RNF2: variants seen among roughly 807,000 people sequenced by gnomAD.
RNF2 encodes the protein E3 ubiquitin-protein ligase RING2.
A neutral mutation model predicts 37.2 loss-of-function variants in RNF2; 6 were observed. The observed-to-expected ratio is 0.16, with a 90% CI of 0.09 to 0.32. RNF2 has a LOEUF of 0.32. Among genes scored for constraint, RNF2 ranks in the 10% least tolerant of loss-of-function variants. The pLI is 1.00. For synonymous variants in RNF2, 133 were observed against 132.7 expected (o/e 1.00, Z -0.02); for missense variants, 251 against 404.0 (o/e 0.62, Z 3.25).
chr1:185,071,963 C>G (rs1650989403), intron 1 of RNF2: 1 of 152,370 alleles, frequency 6.6e-6, no homozygotes, highest in Non-Finnish European at 1.5e-5. Flanking sequence ...AAAGCCATAT[C>G]ATTGTGGACA....
chr1:185,085,339 G>A (rs970004596), intron 1 of RNF2, among the ~76,000 whole-genome samples: 5 of 151,406 alleles, frequency 3.3e-5, no homozygotes, highest in Non-Finnish European at 5.9e-5. Context: ...TAGTAGAGAC[G>A]GGGTTTCACC....
At chr1:185,061,371 GA>G (rs1056323727) in intron 1 of RNF2, among the ~76,000 whole-genome samples, 10 of 148,160 alleles carry the variant, frequency 6.7e-5, no homozygotes, top group Admixed American at 1.3e-4. Context: ...CTTAAAAGGG[GA>G]AAAAAAAAGG....
intron 4 of RNF2, among the ~76,000 whole-genome samples, chr1:185,094,409 G>C (rs1253850519): frequency 1.3e-5 from 2 of 152,126 alleles, no homozygotes; most frequent in Non-Finnish European, 2.9e-5. Flanking sequence ...CCAAAGTGCT[G>C]AGATTACAGG....
chr1:185,051,195 T>C (rs1298116087), intron 1 of RNF2, among the ~76,000 whole-genome samples: 2 of 152,228 alleles, frequency 1.3e-5, no homozygotes, highest in African/African-American at 4.8e-5. Flanking sequence ...AAACCCTCAC[T>C]ATTTACACTG....
intron 1 of RNF2, among the ~76,000 whole-genome samples, chr1:185,075,234 T>TC (rs946329003): frequency 9.2e-5 from 14 of 152,090 alleles, no homozygotes; most frequent in African/African-American, 2.4e-4. Flanking sequence ...CCTCAGGTGA[T>TC]CCCCCCGCCT....
At chr1:185,075,516 C>T (rs999100601) in intron 1 of RNF2, among the ~76,000 whole-genome samples, 4 of 152,228 alleles carry the variant, frequency 2.6e-5, no homozygotes, top group South Asian at 2.1e-4. Flanking sequence ...TCCCTGAGAC[C>T]GGATAATTTA....
In RNF2 at chr1:185,100,541, GTGTT is replaced by G. The variant is rs1652049047; in HGVS notation, c.*242_*245del. ...TAAAAAAATATATCTGAAGTTTCTTGTGTTTTTTTTTTTCCCCACAAAGTGTGTT... is the reference window on the plus strand; with the variant it reads ...TAAAAAAATATATCTGAAGTTTCTTGTTTTTTTTTCCCCACAAAGTGTGTT... On this transcript the variant is annotated 3_prime_UTR_variant, in exon 7 of 7. Coordinates refer to ENST00000367510, the MANE Select transcript of RNF2 (RefSeq NM_007212.4). 2 of 276,000 alleles carry G rather than the reference GTGTT, an allele frequency of 7.2e-6. No homozygotes were observed. The highest frequency in any genetic ancestry group is 1.2e-4 in the Admixed American group (2 of 16,542). 17.1% of individuals were successfully genotyped at this position (276,000 alleles called of 1,614,324 possible). A position where few individuals can be genotyped will look rare whatever the true frequency, so the allele number is the denominator to read the frequency against.
chr1:185,085,756 C>T (rs545927231), intron 1 of RNF2, among the ~76,000 whole-genome samples: 10 of 152,148 alleles, frequency 6.6e-5, no homozygotes, highest in Non-Finnish European at 1.0e-4. Flanking sequence ...CGGGTTCAAG[C>T]GATTCTCCTA....
At chr1:185,091,886 G>A (rs12408074) in intron 3 of RNF2, 147 bp downstream of exon 3, 197,189 of 677,676 alleles carry the variant, frequency 0.29, 30,139 homozygotes, top group African/African-American at 0.36. Context: ...CACGATCTTG[G>A]CTCACTGCAA....
chr1:185,086,247 G>C (rs1211439473), intron 1 of RNF2, among the ~76,000 whole-genome samples: 1 of 152,022 alleles, frequency 6.6e-6, no homozygotes. Flanking sequence ...CTATTTGCAT[G>C]CATTTCCTTC....
intron 1 of RNF2, among the ~76,000 whole-genome samples, chr1:185,063,501 G>A (rs137952785): frequency 5.9e-5 from 9 of 152,262 alleles, no homozygotes; most frequent in East Asian, 5.8e-4. Flanking sequence ...CAAATAAACC[G>A]AAGTTCGCAT....
At chr1:185,084,046 A>G (rs1437428778) in intron 1 of RNF2, among the ~76,000 whole-genome samples, 11 of 151,756 alleles carry the variant, frequency 7.2e-5, no homozygotes, top group South Asian at 6.2e-4. Flanking sequence ...GGCTCAAGCA[A>G]TCTTCCAGCC....
chr1:185,058,594 C>T (rs950435739), intron 1 of RNF2, among the ~76,000 whole-genome samples: 10 of 152,092 alleles, frequency 6.6e-5, no homozygotes, highest in African/African-American at 1.9e-4. Flanking sequence ...CTTTATTGTT[C>T]GGTAATGTGG....
chr1:185,086,487 C>T (rs1343126399), intron 1 of RNF2, among the ~76,000 whole-genome samples: 2 of 151,882 alleles, frequency 1.3e-5, no homozygotes, highest in African/African-American at 2.4e-5. Context: ...AATTAATCAG[C>T]GTGGTGAGGA....
At chr1:185,079,786 A>G (rs979182063) in intron 1 of RNF2, among the ~76,000 whole-genome samples, 1 of 152,150 alleles carries the variant, frequency 6.6e-6, no homozygotes, top group African/African-American at 2.4e-5. Context: ...AAAATTAGCC[A>G]GGTGTGGTGC....
chr1:185,060,857 A>G (rs898474503), intron 1 of RNF2, among the ~76,000 whole-genome samples: 17 of 152,174 alleles, frequency 1.1e-4, no homozygotes, highest in African/African-American at 4.1e-4. Context: ...GGTGGCCCAC[A>G]CCTGTAATCC....
Position 185,056,144 on chromosome 1 carries a change from T to G in RNF2, c.-3+10495T>G, listed in dbSNP as rs540695838. On this transcript the variant is annotated intron_variant, in intron 1 of 6. Transcript: ENST00000367510. ...TTGTTAGTCTTCTGAAATATTTTTT[T>G]CAGGAGTTCTCCATTACTTGAAGAG... Among the ~76,000 whole-genome samples the G allele has an allele frequency of 1.7e-3, 266 of 152,328 alleles. 2 individuals carry two copies. Among genetic ancestry groups the G allele is most frequent in the Middle Eastern group, 6.8e-3 (2 of 294 alleles).
intron 4 of RNF2, among the ~76,000 whole-genome samples, chr1:185,094,835 G>A (rs566170598): frequency 6.6e-6 from 1 of 152,238 alleles, no homozygotes; most frequent in Non-Finnish European, 1.5e-5. Flanking sequence ...CAGGCCTCAA[G>A]GAGAATCATT....
Position 185,098,432 on chromosome 1 carries a change from A to G in RNF2, c.737+88A>G, listed in dbSNP as rs1194633224. On this transcript the variant is annotated intron_variant, in intron 5 of 6. Coordinates refer to ENST00000367510, the MANE Select transcript of RNF2 (RefSeq NM_007212.4). ...CAGTCTTGTATAAGAAGTAGGAGCAATATTTGTCATCCCATTGATTGCAGG... is the reference window on the plus strand; with the variant it reads ...CAGTCTTGTATAAGAAGTAGGAGCAGTATTTGTCATCCCATTGATTGCAGG... The G allele has an allele frequency of 7.0e-6, 10 of 1,431,456 alleles. No homozygotes were observed. In the South Asian group the frequency reaches 7.8e-5, roughly 11 times the overall value. 88.7% of individuals were successfully genotyped at this position (1,431,456 alleles called of 1,614,324 possible). A position where few individuals can be genotyped will look rare whatever the true frequency, so the allele number is the denominator to read the frequency against.
Sources: gnomAD v4.1 joint callset for allele counts (sites outside exome capture counted in the v4.1 genomes callset) on GRCh38, gnomAD v4.1.1 for gene constraint, MANE v1.5 for transcripts, NCBI Gene and HGNC (gene_info 2026-07-23, HGNC 2026-07-21) for gene names.